The following CLASP1 variants were observed in gnomAD, a reference collection of about 807,000 sequenced individuals.
The protein encoded by CLASP1 is CLIP-associating protein 1.
A neutral mutation model predicts 192.3 loss-of-function variants in CLASP1; 38 were observed. That is an observed-to-expected ratio of 0.20 (90% CI 0.15 to 0.26). The LOEUF (loss-of-function observed/expected upper bound fraction) is 0.26. CLASP1 is among the 10% of genes least tolerant of loss of function. The pLI is 1.00. For synonymous variants in CLASP1, 691 were observed against 712.8 expected (o/e 0.97, Z 0.49); for missense variants, 1,433 against 1,932.5 (o/e 0.74, Z 4.85).
At chr2:121,436,016 G>C (rs1034817903) in intron 19 of CLASP1, among the ~76,000 whole-genome samples, 1 of 150,582 alleles carries the variant, frequency 6.6e-6, no homozygotes, top group Admixed American at 6.6e-5. Context: ...TGTGCCTTTC[G>C]TGTTGTGCAA....
chr2:121,568,729 T>C (rs773536096), intron 2 of CLASP1, among the ~76,000 whole-genome samples: 10 of 152,114 alleles, frequency 6.6e-5, no homozygotes, highest in Admixed American at 5.2e-4. Flanking sequence ...ATAGCCATTG[T>C]GTGAAGCTCA....
intron 7 of CLASP1, among the ~76,000 whole-genome samples, chr2:121,513,844 G>A (rs1263705717): frequency 1.3e-5 from 2 of 152,144 alleles, no homozygotes; most frequent in African/African-American, 4.8e-5. Context: ...CAGTGCCCTG[G>A]GTTTTTCCTG....
chr2:121,423,436 T>C (rs755008669), intron 22 of CLASP1, among the ~76,000 whole-genome samples: 6 of 152,186 alleles, frequency 3.9e-5, no homozygotes, highest in Non-Finnish European at 7.4e-5. Flanking sequence ...ATAAATGAAG[T>C]TGGGTTATTT....
intron 2 of CLASP1, among the ~76,000 whole-genome samples, chr2:121,570,185 T>C (rs539030943): frequency 6.6e-6 from 1 of 152,210 alleles, no homozygotes; most frequent in South Asian, 2.1e-4. Context: ...CCTCCTTCTT[T>C]CCCTCCCCAC....
At chr2:121,350,874 T>G (rs536759598) in intron 37 of CLASP1, among the ~76,000 whole-genome samples, 1 of 152,256 alleles carries the variant, frequency 6.6e-6, no homozygotes, top group Non-Finnish European at 1.5e-5. Context: ...TTCCTCTTCA[T>G]ACTTTTTAGA....
intron 37 of CLASP1, among the ~76,000 whole-genome samples, chr2:121,353,063 C>T (rs2064793514): frequency 6.6e-6 from 1 of 152,196 alleles, no homozygotes; most frequent in Non-Finnish European, 1.5e-5. Flanking sequence ...TACATGGAGG[C>T]TCACACCTGT....
intron 28 of CLASP1, among the ~76,000 whole-genome samples, chr2:121,400,906 T>TCATACTTG (rs1238027264): frequency 6.6e-6 from 1 of 152,212 alleles, no homozygotes; most frequent in African/African-American, 2.4e-5. Flanking sequence ...GTTTCAACTT[T>TCATACTTG]CATACTTGCA....
At chr2:121,578,170 C>T (rs1164585968) in intron 2 of CLASP1, among the ~76,000 whole-genome samples, 1 of 151,872 alleles carries the variant, frequency 6.6e-6, no homozygotes, top group Non-Finnish European at 1.5e-5. Flanking sequence ...TTAGCTCACG[C>T]AATCCGCCCA....
intron 23 of CLASP1, among the ~76,000 whole-genome samples, chr2:121,415,507 C>T (rs2078423123): frequency 1.3e-5 from 2 of 152,156 alleles, no homozygotes; most frequent in Non-Finnish European, 2.9e-5. Context: ...GAGGGAAATA[C>T]ATGCTAAATT....
chr2:121,419,927 A>G (rs1354004880), intron 22 of CLASP1, among the ~76,000 whole-genome samples: 1 of 152,186 alleles, frequency 6.6e-6, no homozygotes, highest in African/African-American at 2.4e-5. Flanking sequence ...AGCATAGTCT[A>G]TTGTTTGAGA....
chr2:121,497,533 A>G (rs1424512513), intron 8 of CLASP1, among the ~76,000 whole-genome samples: 2 of 152,240 alleles, frequency 1.3e-5, no homozygotes, highest in Non-Finnish European at 1.5e-5. Context: ...GATATAGCTA[A>G]TAAATAAAAT....
intron 12 of CLASP1, among the ~76,000 whole-genome samples, chr2:121,459,200 G>C (rs1230561189): frequency 1.3e-5 from 2 of 149,390 alleles, no homozygotes; most frequent in Middle Eastern, 3.2e-3. Context: ...GGAGCTTTTT[G>C]TTTGTTTTCT....
intron 9 of CLASP1, among the ~76,000 whole-genome samples, chr2:121,464,437 G>T (rs1289764662): frequency 2.0e-5 from 3 of 152,090 alleles, no homozygotes; most frequent in Admixed American, 2.0e-4. Context: ...TTCCACAATG[G>T]TTGAACTAGT....
rs377056109 is a variant in CLASP1 at position 121,425,258 on chromosome 2, C to T, written c.2093G>A (p.Gly698Asp). Residue 698 changes from glycine (G) to aspartate (D), a missense_variant, in exon 22 of 40, where the codon GGT becomes GAT. Gly to Asp is a moderately conservative substitution (Grantham distance 94, BLOSUM62 -1). Transcript: ENST00000263710. Reference sequence around the variant, plus strand: ...TCGTGAGGAGCCCCCAGTAAGTCCACCATAACCACTTCCCAACAATTTTCC... The same window carrying T: ...TCGTGAGGAGCCCCCAGTAAGTCCATCATAACCACTTCCCAACAATTTTCC... The T allele has an allele frequency of 1.6e-5, 26 of 1,612,598 alleles. No individual in the cohort carries two copies. The highest frequency in any genetic ancestry group is 1.9e-5 in the Non-Finnish European group (22 of 1,179,634).
At chr2:121,537,049 T>C (rs926263232) in intron 2 of CLASP1, among the ~76,000 whole-genome samples, 2 of 152,170 alleles carry the variant, frequency 1.3e-5, no homozygotes, top group African/African-American at 4.8e-5. Context: ...ATGGTGATGG[T>C]TGTATAACTC....
intron 6 of CLASP1, among the ~76,000 whole-genome samples, chr2:121,516,494 G>T (rs1004796659): frequency 6.6e-6 from 1 of 152,230 alleles, no homozygotes; most frequent in South Asian, 2.1e-4. Context: ...GCTTCAGGAA[G>T]AGGAAGTACG....
At chr2:121,626,926 G>C (rs2068485481) in intron 1 of CLASP1, among the ~76,000 whole-genome samples, 1 of 152,112 alleles carries the variant, frequency 6.6e-6, no homozygotes, top group African/African-American at 2.4e-5. Flanking sequence ...GAATATAGAG[G>C]AACAACTAGT....
intron 24 of CLASP1, among the ~76,000 whole-genome samples, chr2:121,409,889 CAGGAAA>C (rs1255255080): frequency 2.6e-5 from 4 of 152,076 alleles, no homozygotes; most frequent in African/African-American, 9.7e-5. Flanking sequence ...AGCTTGCCTA[CAGGAAA>C]AGGATTAGGA....
intron 2 of CLASP1, among the ~76,000 whole-genome samples, chr2:121,586,671 G>A (rs1397766750): frequency 6.6e-6 from 1 of 152,038 alleles, no homozygotes; most frequent in Non-Finnish European, 1.5e-5. Context: ...ACTGTCCTGA[G>A]TGTGCATGAA....
Sources: gnomAD v4.1 joint callset for allele counts (sites outside exome capture counted in the v4.1 genomes callset) on GRCh38, gnomAD v4.1.1 for gene constraint, MANE v1.5 for transcripts, NCBI Gene and HGNC (gene_info 2026-07-23, HGNC 2026-07-21) for gene names.